The following DGKB variants were observed in gnomAD, a reference collection of about 807,000 sequenced individuals.
The protein encoded by DGKB is diacylglycerol kinase beta.
A neutral mutation model predicts 114.3 loss-of-function variants in DGKB; 67 were observed. The ratio of observed to expected loss-of-function variants is 0.59; its 90% CI spans 0.48 to 0.72. DGKB has a LOEUF of 0.72. Among genes scored for constraint, DGKB ranks in the 30% least tolerant of loss-of-function variants. The pLI, the probability that DGKB is intolerant of heterozygous loss-of-function variation, is 0.00. For missense variants in DGKB, 907 were observed against 975.2 expected (o/e 0.93, Z 0.93); for synonymous variants, 398 against 323.1 (o/e 1.23, Z -2.49).
At chr7:14,929,954 T>C (rs1417979725) in intron 1 of DGKB, among the ~76,000 whole-genome samples, 1 of 152,142 alleles carries the variant, frequency 6.6e-6, no homozygotes, top group Admixed American at 6.5e-5. Flanking sequence ...ATCCAATTTT[T>C]CCAGCATCGT....
Position 14,178,155 on chromosome 7 carries a change from AAAGAAAGTAGATGCCTTTT to A in DGKB, c.2123-23_2123-5del. On this transcript the variant is annotated splice_region_variant and splice_polypyrimidine_tract_variant and intron_variant, in intron 23 of 25. Coordinates refer to ENST00000402815, the MANE Select transcript of DGKB (RefSeq NM_001350709.2). ...TCCAGCAGCTGGTCACTGAGATCTG[AAAGAAAGTAGATGCCTTTT>A]AAGTTGCAATGTGTATACATATGTC... The A allele has an allele frequency of 6.2e-7, 1 of 1,613,492 alleles. No homozygotes were observed. The highest frequency in any genetic ancestry group is 8.5e-7 in the Non-Finnish European group (1 of 1,179,780).
intron 17 of DGKB, among the ~76,000 whole-genome samples, chr7:14,606,827 A>G (rs569048225): frequency 1.3e-5 from 2 of 152,254 alleles, no homozygotes; most frequent in East Asian, 1.9e-4. Context: ...CCTGTTAACA[A>G]TGAAGTATAA....
intron 1 of DGKB, among the ~76,000 whole-genome samples, chr7:14,973,504 T>C (rs1465991388): frequency 1.1e-4 from 16 of 150,058 alleles, no homozygotes; most frequent in Admixed American, 5.3e-4. Flanking sequence ...TTTTGTTTTG[T>C]TTTGTTTGTT....
intron 23 of DGKB, among the ~76,000 whole-genome samples, chr7:14,275,231 C>G (rs985232705): frequency 6.6e-6 from 1 of 152,048 alleles, no homozygotes; most frequent in Non-Finnish European, 1.5e-5. Context: ...ATGTGCATAT[C>G]TTCTCATCTT....
chr7:14,452,685 G>C (rs967958727), intron 21 of DGKB, among the ~76,000 whole-genome samples: 4 of 151,854 alleles, frequency 2.6e-5, no homozygotes, highest in Non-Finnish European at 5.9e-5. Context: ...AAAAATCATA[G>C]GTAGAATGCA....
rs192101589 is a variant in DGKB at position 14,890,234 on chromosome 7, A to G, written c.-188+12358T>C. 1.7e-3 allele frequency among the ~76,000 whole-genome samples: 264 copies of G among 151,678 alleles called. 7 individuals carry two copies. The highest frequency in any genetic ancestry group is 0.017 in the Admixed American group (263 of 15,180). Reference sequence around the variant, plus strand: ...ACCCTATTTATATAGCTTACGTAAAATTACATAGGAAAGAAATGCCAGATA... The same window carrying G: ...ACCCTATTTATATAGCTTACGTAAAGTTACATAGGAAAGAAATGCCAGATA... On this transcript the variant is annotated intron_variant, in intron 1 of 25. Transcript: ENST00000402815.
intron 20 of DGKB, among the ~76,000 whole-genome samples, chr7:14,565,534 C>T (rs1452917345): frequency 1.3e-5 from 2 of 152,072 alleles, no homozygotes; most frequent in East Asian, 3.9e-4. Context: ...CTGAAATTTC[C>T]ACTATGACAT....
intron 23 of DGKB, among the ~76,000 whole-genome samples, chr7:14,287,255 G>A (rs1012383237): frequency 2.6e-5 from 4 of 151,990 alleles, no homozygotes; most frequent in Admixed American, 6.6e-5. Context: ...TGAAACTAGA[G>A]GGTTTAAGAT....
intron 12 of DGKB, 74 bp downstream of exon 12, chr7:14,682,479 G>C: frequency 1.0e-6 from 1 of 987,918 alleles, no homozygotes; most frequent in Non-Finnish European, 1.6e-6. Context: ...TCTAGGGTAG[G>C]ACTTTCAGAG....
At chr7:14,298,672 A>G (rs1802992970) in intron 23 of DGKB, among the ~76,000 whole-genome samples, 1 of 152,232 alleles carries the variant, frequency 6.6e-6, no homozygotes, top group African/African-American at 2.4e-5. Context: ...CAATGGCAAC[A>G]AAAGCCAAAA....
At chr7:14,837,189 A>G (rs745461064) in intron 2 of DGKB, among the ~76,000 whole-genome samples, 2 of 152,206 alleles carry the variant, frequency 1.3e-5, no homozygotes, top group Non-Finnish European at 2.9e-5. Flanking sequence ...CAGTATTTAA[A>G]CACAAGCTGT....
intron 21 of DGKB, among the ~76,000 whole-genome samples, chr7:14,461,309 G>A (rs975673378): frequency 2.2e-5 from 3 of 139,266 alleles, no homozygotes; most frequent in Admixed American, 7.5e-5. Flanking sequence ...AAAAATCAAT[G>A]AATCCAGGAG....
chr7:14,266,645 C>T (rs1209270936), intron 23 of DGKB, among the ~76,000 whole-genome samples: 5 of 152,146 alleles, frequency 3.3e-5, no homozygotes, highest in Non-Finnish European at 7.3e-5. Flanking sequence ...AATACACCTA[C>T]CATTATTTAT....
At chr7:14,873,906 G>A (rs1852858645) in intron 1 of DGKB, among the ~76,000 whole-genome samples, 1 of 151,904 alleles carries the variant, frequency 6.6e-6, no homozygotes, top group Non-Finnish European at 1.5e-5. Context: ...TATTACATAA[G>A]CAGTTGGTAT....
At chr7:14,425,922 C>A (rs1440039627) in intron 21 of DGKB, among the ~76,000 whole-genome samples, 1 of 152,026 alleles carries the variant, frequency 6.6e-6, no homozygotes, top group Non-Finnish European at 1.5e-5. Context: ...CCATCTCAAA[C>A]AAAATAACAA....
At chr7:14,185,716 T>C (rs955915307) in intron 23 of DGKB, among the ~76,000 whole-genome samples, 2 of 151,966 alleles carry the variant, frequency 1.3e-5, no homozygotes, top group Non-Finnish European at 2.9e-5. Flanking sequence ...TAAACCCAAA[T>C]ACTACAGCCA....
intron 20 of DGKB, among the ~76,000 whole-genome samples, chr7:14,573,707 A>C (rs986139742): frequency 8.5e-5 from 13 of 152,224 alleles, no homozygotes; most frequent in Non-Finnish European, 1.5e-4. Context: ...TAAGATTCTA[A>C]AAGAAATGAA....
intron 25 of DGKB, among the ~76,000 whole-genome samples, chr7:14,171,650 A>G (rs1281418752): frequency 1.3e-5 from 2 of 152,218 alleles, no homozygotes; most frequent in Non-Finnish European, 2.9e-5. Context: ...TGCTTTGAGA[A>G]TATAATGAAT....
rs138246929 is a variant in DGKB at position 14,369,331 on chromosome 7, T to C, written c.1836-23940A>G. ...TATCCAGTCTATCATTGATGGGCAT[T>C]TGGGTTGGTTTCAAGTCTTTGCTAT... On this transcript the variant is annotated intron_variant, in intron 21 of 25. Coordinates refer to ENST00000402815, the MANE Select transcript of DGKB (RefSeq NM_001350709.2). 7.4e-3 allele frequency among the ~76,000 whole-genome samples: 1,126 copies of C among 152,260 alleles called. 48 individuals are homozygous for C. The highest frequency in any genetic ancestry group is 0.068 in the Admixed American group (1,046 of 15,280).
Sources: gnomAD v4.1 joint callset for allele counts (sites outside exome capture counted in the v4.1 genomes callset) on GRCh38, gnomAD v4.1.1 for gene constraint, MANE v1.5 for transcripts, NCBI Gene and HGNC (gene_info 2026-07-23, HGNC 2026-07-21) for gene names.